MBD5: variants seen among roughly 807,000 people sequenced by gnomAD.
MBD5 encodes the protein methyl-CpG-binding domain protein 5.
Under a neutral mutation model 117.3 loss-of-function variants are expected in MBD5, and 13 were observed. The ratio of observed to expected loss-of-function variants is 0.11; its 90% CI spans 0.07 to 0.18. The LOEUF (loss-of-function observed/expected upper bound fraction) is 0.18, where lower values mean the gene tolerates loss of function less well. Among genes scored for constraint, MBD5 ranks in the 10% least tolerant of loss-of-function variants. The probability of loss-of-function intolerance (pLI) is 1.00; values close to 1 mark genes in which losing one functional copy is unlikely to be tolerated. For synonymous variants in MBD5, 727 were observed against 766.4 expected, an observed-to-expected ratio of 0.95 and a Z score of 0.85; for missense variants, 1,879 against 2,093.8, an observed-to-expected ratio of 0.90 and a Z score of 2.00.
At chr2:148,284,070 A>G (rs1186323038) in intron 3 of MBD5, among the ~76,000 whole-genome samples, 3 of 152,300 alleles carry the variant, frequency 2.0e-5, no homozygotes, top group African/African-American at 7.2e-5. Flanking sequence ...CTCTTCTTAC[A>G]CAAATAGTAG....
chr2:148,444,121 A>ATAAGT (rs973664564), intron 4 of MBD5, among the ~76,000 whole-genome samples: 5 of 151,322 alleles, frequency 3.3e-5, no homozygotes, highest in Admixed American at 6.6e-5. Context: ...CTGGAAGTTG[A>ATAAGT]TAAGTGGAAA....
chr2:148,464,062 A>G (rs553767060), intron 7 of MBD5, 143 bp downstream of exon 7: 1 of 886,066 alleles, frequency 1.1e-6, no homozygotes, highest in African/African-American at 1.7e-5. Context: ...TAATTTTATT[A>G]CAAATAGCAA....
chr2:148,088,344 T>C (rs539149783), intron 1 of MBD5, among the ~76,000 whole-genome samples: 12 of 152,100 alleles, frequency 7.9e-5, no homozygotes, highest in Non-Finnish European at 1.0e-4. Flanking sequence ...CATCCAATTA[T>C]AAGAAATTAA....
intron 2 of MBD5, among the ~76,000 whole-genome samples, chr2:148,231,933 G>C (rs1458880799): frequency 6.6e-6 from 1 of 152,206 alleles, no homozygotes; most frequent in African/African-American, 2.4e-5. Flanking sequence ...CAATGGTGAA[G>C]AGGGTAAAAG....
intron 1 of MBD5, chr2:148,044,250 C>A (rs1694454618): frequency 6.6e-6 from 1 of 152,174 alleles, no homozygotes; most frequent in African/African-American, 2.4e-5. Flanking sequence ...GTTTACTTCA[C>A]AGATAAATTT....
intron 1 of MBD5, among the ~76,000 whole-genome samples, chr2:148,030,455 CAG>C (rs997863717): frequency 2.0e-5 from 3 of 151,908 alleles, no homozygotes; most frequent in Non-Finnish European, 2.9e-5. Flanking sequence ...AAAAAATGGA[CAG>C]AATAATAAGT....
chr2:148,128,536 G>A (rs1225877660), intron 1 of MBD5, among the ~76,000 whole-genome samples: 1 of 151,932 alleles, frequency 6.6e-6, no homozygotes, highest in Admixed American at 6.5e-5. Flanking sequence ...TCTATGTCAT[G>A]GACTGTAAAT....
intron 2 of MBD5, among the ~76,000 whole-genome samples, chr2:148,203,093 A>G (rs1395283279): frequency 6.8e-6 from 1 of 147,492 alleles, no homozygotes; most frequent in Non-Finnish European, 1.5e-5. Flanking sequence ...CAACATCACG[A>G]GACTCCATCT....
At chr2:148,203,446 TG>T (rs1431620007) in intron 2 of MBD5, among the ~76,000 whole-genome samples, 2 of 152,212 alleles carry the variant, frequency 1.3e-5, no homozygotes, top group East Asian at 3.8e-4. Flanking sequence ...GCTTGATGTC[TG>T]TGTGTTTTGC....
At chr2:148,221,548 C>T (rs1699686791) in intron 2 of MBD5, among the ~76,000 whole-genome samples, 1 of 152,098 alleles carries the variant, frequency 6.6e-6, no homozygotes, top group Admixed American at 6.6e-5. Flanking sequence ...GCATGTTTGC[C>T]ATTTCCATGG....
chr2:148,466,489 A>G (rs753636588), intron 7 of MBD5, among the ~76,000 whole-genome samples: 4 of 152,166 alleles, frequency 2.6e-5, no homozygotes, highest in Non-Finnish European at 4.4e-5. Context: ...AATTATATAA[A>G]TACATTGATA....
chr2:148,314,813 G>A (rs944401786), intron 3 of MBD5, among the ~76,000 whole-genome samples: 1 of 152,036 alleles, frequency 6.6e-6, no homozygotes, highest in Admixed American at 6.6e-5. Flanking sequence ...TAACTCTAAA[G>A]TTTCAAGTTA....
intron 1 of MBD5, among the ~76,000 whole-genome samples, chr2:148,140,776 T>C (rs920067623): frequency 2.2e-4 from 33 of 151,946 alleles, no homozygotes; most frequent in Non-Finnish European, 3.2e-4. Context: ...TTTTTTTTTT[T>C]CCCGAAGATA....
rs560989646 is a variant in MBD5 at position 148,499,437 on chromosome 2, G to A, written c.4963-2999G>A. Among the ~76,000 whole-genome samples, 13 of 152,272 alleles carry A rather than the reference G, an allele frequency of 8.5e-5. No individual in the cohort carries two copies. In the South Asian group the frequency reaches 1.2e-3, roughly 15 times the overall value. The stretch of plus-strand genomic sequence containing the variant: ...TACACCATGATGGCCAGTACTATTA[G>A]CATCATTGCTATCAGCATGAAACTG... On this transcript the variant is annotated intron_variant, in intron 11 of 13. Transcript: ENST00000642680.
Position 148,469,747 on chromosome 2 carries a change from A to G in MBD5, c.1804A>G (p.Ser602Gly). The change falls in exon 8 of 14, where the codon AGT becomes GGT. Residue 602 changes from serine to glycine, a missense_variant. Physicochemically the swap from Ser to Gly is moderately conservative, Grantham distance 56. Coordinates refer to ENST00000642680, the MANE Select transcript of MBD5 (RefSeq NM_001378120.1). ...ACTTGCTGGTAACAACAGTAGCAGC[A>G]GTAGCAATTCTGGAGCTGTTGCCGG... ...NKLAGNNSSS[S>G]SNSGAVAGSG... 5 of 1,614,024 alleles carry G rather than the reference A, an allele frequency of 3.1e-6. No homozygotes were observed. Among genetic ancestry groups the G allele is most frequent in the Non-Finnish European group, 4.2e-6 (5 of 1,179,902 alleles).
intron 4 of MBD5, among the ~76,000 whole-genome samples, chr2:148,343,033 T>G (rs948304967): frequency 1.3e-5 from 2 of 152,068 alleles, no homozygotes; most frequent in Non-Finnish European, 2.9e-5. Flanking sequence ...CGATATTTGG[T>G]TTTCTGTTCC....
At chr2:148,375,980 A>G (rs1427279323) in intron 4 of MBD5, among the ~76,000 whole-genome samples, 6 of 151,548 alleles carry the variant, frequency 4.0e-5, no homozygotes, top group Non-Finnish European at 1.5e-5. Flanking sequence ...TTTAAAGTGA[A>G]TAATTCTTTG....
At chr2:148,225,959 A>G (rs1216379062) in intron 2 of MBD5, among the ~76,000 whole-genome samples, 2 of 152,134 alleles carry the variant, frequency 1.3e-5, no homozygotes, top group African/African-American at 4.8e-5. Flanking sequence ...ATGGTGTTCT[A>G]TAACCTTCTT....
At chr2:148,389,699 T>C (rs1574370287) in intron 4 of MBD5, among the ~76,000 whole-genome samples, 1 of 152,298 alleles carries the variant, frequency 6.6e-6, no homozygotes, top group Non-Finnish European at 1.5e-5. Flanking sequence ...TTGAGTATTT[T>C]TTCACATGTT....
Sources: gnomAD v4.1 joint callset for allele counts (sites outside exome capture counted in the v4.1 genomes callset) on GRCh38, gnomAD v4.1.1 for gene constraint, MANE v1.5 for transcripts, NCBI Gene and HGNC (gene_info 2026-07-23, HGNC 2026-07-21) for gene names.